AATK: variants seen among roughly 807,000 people sequenced by gnomAD.
The protein encoded by AATK is serine/threonine-protein kinase LMTK1.
In AATK, 91 loss-of-function variants were observed where a neutral mutation model predicts 114.3. The ratio of observed to expected loss-of-function variants is 0.80; its 90% confidence interval spans 0.67 to 0.95. AATK has a LOEUF of 0.95. Ranked by LOEUF, AATK falls within the 40% of genes least tolerant of loss-of-function variation. The probability of loss-of-function intolerance (pLI) is 0.00; values close to 1 mark genes in which losing one functional copy is unlikely to be tolerated. For missense variants in AATK, 2,176 were observed against 1,965.2 expected (o/e 1.11, Z -2.03); for synonymous variants, 1,075 against 916.5 (o/e 1.17, Z -3.12).
At position 81,155,635 on chromosome 17, in the gene AATK, C is replaced by T. The variant is rs529587348; in HGVS notation, c.55+10303G>A. On this transcript the variant is annotated intron_variant, in intron 1 of 13. Transcript: ENST00000326724. ...TCCTGACCTTGTGATCCATCCACCT[C>T]GGCCTCCCAAAGTGCTGGGATTGCA... Among the ~76,000 whole-genome samples, 54 of 152,078 alleles carry T rather than the reference C, an allele frequency of 3.6e-4. 1 individual carries two copies. The South Asian group carries it at 7.3e-3, about 20-fold the overall frequency.
chr17:81,140,763 G>A (rs571733045), intron 1 of AATK, among the ~76,000 whole-genome samples: 3 of 102,000 alleles, frequency 2.9e-5, no homozygotes, highest in East Asian at 2.5e-4. Context: ...GCCGTGAGCC[G>A]TGGGGCTGTG....
intron 2 of AATK, 89 bp from the exon 3 acceptor site, chr17:81,131,294 G>A (rs907191977): frequency 1.1e-5 from 16 of 1,452,144 alleles, no homozygotes; most frequent in African/African-American, 7.1e-5. Context: ...TTCCAGGGCC[G>A]AGCTCCCAGG....
intron 2 of AATK, 52 bp downstream of exon 2, chr17:81,134,316 C>T (rs1249920681): frequency 4.2e-5 from 68 of 1,606,284 alleles, no homozygotes; most frequent in Non-Finnish European, 5.6e-5. Flanking sequence ...GTGGACGCTA[C>T]AGGCCTTGCC....
intron 1 of AATK, among the ~76,000 whole-genome samples, chr17:81,150,373 A>G (rs1256808334): frequency 1.2e-5 from 1 of 80,928 alleles, no homozygotes; most frequent in East Asian, 4.1e-4. Flanking sequence ...CAATCCTAGG[A>G]CTCCCCCATC....
At chr17:81,156,347 G>A (rs1274012525) in intron 1 of AATK, among the ~76,000 whole-genome samples, 2 of 151,982 alleles carry the variant, frequency 1.3e-5, no homozygotes, top group African/African-American at 4.8e-5. Flanking sequence ...TATTTTTATT[G>A]AGTTTTTATG....
At position 81,151,284 on chromosome 17, in the gene AATK, C is replaced by T. The variant is rs1210172421; in HGVS notation, c.55+14654G>A. Among the ~76,000 whole-genome samples, 16 of 133,154 alleles carry T rather than the reference C, an allele frequency of 1.2e-4. No individual in the cohort carries two copies. The South Asian group carries it at 3.5e-3, about 29-fold the overall frequency. 87.4% of individuals were successfully genotyped at this position (133,154 alleles called of 152,430 possible). A position where few individuals can be genotyped will look rare whatever the true frequency, so the allele number is the denominator to read the frequency against. On this transcript the variant is annotated intron_variant, in intron 1 of 13. Coordinates refer to ENST00000326724, the MANE Select transcript of AATK (RefSeq NM_001080395.3). The stretch of plus-strand genomic sequence containing the variant: ...GCACAGAACCCAGGCCCAGCCCCAC[C>T]TGTCTCCCCCACCGACCCCTCCTGT...
chr17:81,122,290 C>T lies in AATK; in HGVS notation c.1646G>A (p.Gly549Asp). ...PAAGHDPDCA[G>D]CAPSPPATAD... The stretch of plus-strand genomic sequence containing the variant: ...GGTGGCAGGTGGACTGGGGGCGCAG[C>T]CGGCGCAGTCAGGGTCGTGGCCGGC... Residue 549 changes from glycine (G) to aspartate (D), a missense_variant, in exon 11 of 14, where the codon GGC becomes GAC. Transcript: ENST00000326724. 2 of 1,502,976 alleles carry T rather than the reference C, an allele frequency of 1.3e-6. No individual in the cohort carries two copies. Among genetic ancestry groups the T allele is most frequent in the Non-Finnish European group, 1.8e-6 (2 of 1,132,948 alleles). 93.1% of individuals were successfully genotyped at this position (1,502,976 alleles called of 1,614,324 possible).
intron 1 of AATK, among the ~76,000 whole-genome samples, chr17:81,162,533 TG>T (rs2061438922): frequency 6.6e-6 from 1 of 152,114 alleles, no homozygotes; most frequent in South Asian, 2.1e-4. Flanking sequence ...CCCAGGCCCA[TG>T]GCCTCCTGCT....
chr17:81,161,842 A>G (rs2725412), intron 1 of AATK, among the ~76,000 whole-genome samples: 8 of 151,904 alleles, frequency 5.3e-5, no homozygotes, highest in Admixed American at 6.6e-5. Context: ...CCAAACATGC[A>G]GGGTGGCACA....
At chr17:81,148,443 C>A (rs1486889810) in intron 1 of AATK, among the ~76,000 whole-genome samples, 1 of 152,250 alleles carries the variant, frequency 6.6e-6, no homozygotes, top group Non-Finnish European at 1.5e-5. Context: ...AGCCCACCCC[C>A]GTCCACAGGG....
intron 1 of AATK, among the ~76,000 whole-genome samples, chr17:81,155,468 C>T (rs112262804): frequency 0.16 from 24,478 of 152,014 alleles, 2,908 homozygotes; most frequent in African/African-American, 0.33. Context: ...CTCACTGCAA[C>T]CTCCGCCTCC....
intron 13 of AATK, among the ~76,000 whole-genome samples, chr17:81,119,129 CCAGGTGAGGGCCAGGTGAGGGT>C (rs202086823): frequency 0.17 from 23,512 of 140,050 alleles, 2,043 homozygotes; most frequent in Admixed American, 0.23. Flanking sequence ...AGTGCAGGGG[CCAGGTGAGGGCCAGGTGAGGGT>C]CAGGTGAGGG....
Position 81,131,098 on chromosome 17 carries a change from C to T in AATK, c.297G>A (p.Glu99=). The T allele has an allele frequency of 6.4e-7, 1 of 1,558,036 alleles. No homozygotes were observed. Among genetic ancestry groups the T allele is most frequent in the Non-Finnish European group, 8.7e-7 (1 of 1,151,290 alleles). Residue 99 remains glutamate (E), a synonymous_variant, in exon 3 of 14, where the codon GAG becomes GAA. Transcript: ENST00000326724. The part of the protein sequence containing the change: ...GPDVYVLPLT[E]VSLPMAKQPG... ...GCTGCTTGGCCATGGGCAAGGAGAC[C>T]TCCGTGAGTGGCAGGACGTACACGT...
Position 81,128,724 on chromosome 17 carries a change from G to A in AATK, c.335-175C>T, listed in dbSNP as rs571532657. 24 of 1,420,720 alleles carry A rather than the reference G, an allele frequency of 1.7e-5. No individual in the cohort carries two copies. In the African/African-American group the frequency reaches 2.6e-4, roughly 15 times the overall value. The allele number at this position is 1,420,720 out of a possible 1,614,324, so 88.0% of individuals were successfully genotyped here. On this transcript the variant is annotated intron_variant, in intron 3 of 13. Coordinates refer to ENST00000326724, the MANE Select transcript of AATK (RefSeq NM_001080395.3). ...AGGAGCCAGGGTCTCTTGAGAGCAGGGGCCGCTGCTTCCCAGAAAAGCCAC... is the reference window on the plus strand; with the variant it reads ...AGGAGCCAGGGTCTCTTGAGAGCAGAGGCCGCTGCTTCCCAGAAAAGCCAC...
chr17:81,132,538 CCCT>C, intron 2 of AATK: 1 of 173,714 alleles, frequency 5.8e-6, no homozygotes, highest in Middle Eastern at 2.3e-3. Context: ...CCCAGAAGCC[CCCT>C]CTTGGGCCCT....
chr17:81,150,473 T>G (rs939706857), intron 1 of AATK, among the ~76,000 whole-genome samples: 1 of 141,664 alleles, frequency 7.1e-6, no homozygotes, highest in African/African-American at 2.6e-5. Flanking sequence ...CACTGCCCAT[T>G]CCCCCAGACC....
intron 1 of AATK, among the ~76,000 whole-genome samples, chr17:81,139,075 T>C (rs1213169290): frequency 3.9e-5 from 6 of 152,052 alleles, no homozygotes; most frequent in Non-Finnish European, 7.4e-5. Flanking sequence ...TGCACACACA[T>C]GAATGCACAC....
rs756631773 is a variant in AATK, at chr17:81,120,873, G to A, written c.3063C>T (p.Pro1021=). 139 of 1,578,474 alleles carry A rather than the reference G, an allele frequency of 8.8e-5. No homozygotes were observed. The African/African-American group carries it at 1.3e-3, about 15-fold the overall frequency. Residue 1021 remains proline, a synonymous_variant, in exon 11 of 14, where the codon CCC becomes CCT. Coordinates refer to ENST00000326724, the MANE Select transcript of AATK (RefSeq NM_001080395.3). ...TGCTCGGCAGGCCCAGCTCTGGCCC[G>A]GGGGCTCGGTCCCCGCCGCACTTCT... is the stretch of plus-strand genomic sequence containing the variant. ...PEKKCGGDRA[P]GPELGLPSTG...
intron 1 of AATK, among the ~76,000 whole-genome samples, chr17:81,147,217 C>T (rs1426055252): frequency 6.6e-6 from 1 of 151,606 alleles, no homozygotes; most frequent in East Asian, 1.9e-4. Context: ...AAAAATTAGC[C>T]AGGCGTGGTG....
Sources: gnomAD v4.1 joint callset for allele counts (sites outside exome capture counted in the v4.1 genomes callset) on GRCh38, gnomAD v4.1.1 for gene constraint, MANE v1.5 for transcripts, NCBI Gene and HGNC (gene_info 2026-07-23, HGNC 2026-07-21) for gene names.